The following TRPS1 variants were observed in gnomAD, a reference collection of about 807,000 sequenced individuals.
TRPS1 encodes transcriptional repressor GATA binding 1.
TRPS1 carries 6 observed loss-of-function variants against 101.2 expected under a neutral mutation model. That is an observed-to-expected ratio of 0.06 (90% CI 0.03 to 0.12). TRPS1 has a LOEUF of 0.12. Ranked by LOEUF, TRPS1 falls within the 10% of genes least tolerant of loss-of-function variation. The pLI, the probability that TRPS1 is intolerant of heterozygous loss-of-function variation, is 1.00. For synonymous variants in TRPS1, 578 were observed against 589.8 expected (o/e 0.98, Z 0.29); for missense variants, 1,363 against 1,567.0 (o/e 0.87, Z 2.20).
intron 1 of TRPS1, among the ~76,000 whole-genome samples, chr8:115,639,098 C>G (rs1225905295): frequency 1.3e-5 from 2 of 152,178 alleles, no homozygotes; most frequent in African/African-American, 4.8e-5. Context: ...GGGTCTTGCT[C>G]TGTTGTCCCA....
intron 5 of TRPS1, among the ~76,000 whole-genome samples, chr8:115,529,217 G>A (rs181808288): frequency 3.7e-4 from 56 of 152,050 alleles, no homozygotes; most frequent in Non-Finnish European, 6.0e-4. Context: ...TTTTGCAGGA[G>A]AGGTACAGAA....
chr8:115,527,103 A>G (rs1377014131), intron 5 of TRPS1, among the ~76,000 whole-genome samples: 1 of 152,098 alleles, frequency 6.6e-6, no homozygotes, highest in East Asian at 1.9e-4. Context: ...TAAAATTGTT[A>G]TTACTCATGG....
At chr8:115,560,097 CTGTT>C (rs72315836) in intron 5 of TRPS1, among the ~76,000 whole-genome samples, 9 of 152,028 alleles carry the variant, frequency 5.9e-5, no homozygotes, top group Admixed American at 1.3e-4. Context: ...TCTGATTAAT[CTGTT>C]TGTTTGTTTG....
intron 5 of TRPS1, among the ~76,000 whole-genome samples, chr8:115,455,613 T>C (rs886615723): frequency 1.3e-5 from 2 of 152,164 alleles, no homozygotes; most frequent in African/African-American, 4.8e-5. Flanking sequence ...AATACTGAAC[T>C]CATTTTCTAG....
chr8:115,534,417 C>T (rs549929555), intron 5 of TRPS1, among the ~76,000 whole-genome samples: 1 of 151,866 alleles, frequency 6.6e-6, no homozygotes, highest in Non-Finnish European at 1.5e-5. Flanking sequence ...GATTGAAGCT[C>T]TAACCGCAGT....
chr8:115,480,688 A>G (rs1372676757), intron 5 of TRPS1, among the ~76,000 whole-genome samples: 2 of 152,086 alleles, frequency 1.3e-5, no homozygotes, highest in Non-Finnish European at 2.9e-5. Context: ...CGGCATACAT[A>G]TATCTCTATT....
At chr8:115,620,915 T>C (rs1475816825) in intron 2 of TRPS1, among the ~76,000 whole-genome samples, 1 of 152,204 alleles carries the variant, frequency 6.6e-6, no homozygotes, top group Non-Finnish European at 1.5e-5. Flanking sequence ...CACTGGAAAC[T>C]GACTAAGAAA....
intron 1 of TRPS1, among the ~76,000 whole-genome samples, chr8:115,648,282 T>TG (rs5894284): frequency 1 from 152,192 of 152,196 alleles, 76,094 homozygotes; most frequent in Middle Eastern, 1. Context: ...CAGGCAGCGC[T>TG]GGAGAGGGAG....
At chr8:115,545,603 C>G (rs1341168530) in intron 5 of TRPS1, among the ~76,000 whole-genome samples, 1 of 152,074 alleles carries the variant, frequency 6.6e-6, no homozygotes, top group Non-Finnish European at 1.5e-5. Flanking sequence ...AAACTAAAAA[C>G]AAATAAATAG....
chr8:115,569,911 T>C (rs1389223698), intron 5 of TRPS1, among the ~76,000 whole-genome samples: 1 of 151,988 alleles, frequency 6.6e-6, no homozygotes, highest in African/African-American at 2.4e-5. Flanking sequence ...GTCAATTTTA[T>C]TAAAAAAAGA....
chr8:115,514,748 G>A (rs1044344370), intron 5 of TRPS1, among the ~76,000 whole-genome samples: 9 of 150,934 alleles, frequency 6.0e-5, no homozygotes, highest in East Asian at 2.0e-4. Flanking sequence ...TACTTCAATC[G>A]TTCAAATAAA....
At chr8:115,430,140 T>C (rs1445007016) in intron 5 of TRPS1, among the ~76,000 whole-genome samples, 1 of 152,168 alleles carries the variant, frequency 6.6e-6, no homozygotes, top group Non-Finnish European at 1.5e-5. Context: ...AAGAGGAACT[T>C]TGTGACAAGG....
chr8:115,581,068 T>TA (rs34740265), intron 5 of TRPS1, among the ~76,000 whole-genome samples: 3 of 151,606 alleles, frequency 2.0e-5, no homozygotes, highest in African/African-American at 4.8e-5. Flanking sequence ...TATTCAGTCA[T>TA]AAAAAAAGAA....
At chr8:115,451,894 T>C (rs1433985515) in intron 5 of TRPS1, among the ~76,000 whole-genome samples, 2 of 152,144 alleles carry the variant, frequency 1.3e-5, no homozygotes, top group African/African-American at 4.8e-5. Flanking sequence ...ATACAGGAAA[T>C]GAACACAAGT....
intron 1 of TRPS1, among the ~76,000 whole-genome samples, chr8:115,633,505 A>G (rs906937811): frequency 3.9e-5 from 6 of 152,130 alleles, no homozygotes; most frequent in Non-Finnish European, 8.8e-5. Flanking sequence ...ATATTTCTTG[A>G]GTACTTATTA....
At chr8:115,473,739 C>T (rs762832945) in intron 5 of TRPS1, among the ~76,000 whole-genome samples, 1 of 152,174 alleles carries the variant, frequency 6.6e-6, no homozygotes, top group Non-Finnish European at 1.5e-5. Flanking sequence ...TAAAACACTT[C>T]ACTTCTGAAA....
At chr8:115,625,429 A>G (rs1305531884) in intron 1 of TRPS1, among the ~76,000 whole-genome samples, 1 of 151,810 alleles carries the variant, frequency 6.6e-6, no homozygotes, top group Non-Finnish European at 1.5e-5. Flanking sequence ...TTACCTTTAA[A>G]AAGTTTGCCC....
chr8:115,450,263 G>T (rs537668623), intron 5 of TRPS1, among the ~76,000 whole-genome samples: 10 of 152,236 alleles, frequency 6.6e-5, no homozygotes, highest in African/African-American at 2.4e-4. Context: ...TCGTGATATG[G>T]AGCCAGAAAG....
intron 4 of TRPS1, among the ~76,000 whole-genome samples, chr8:115,598,753 A>T (rs545751466): frequency 6.6e-6 from 1 of 152,270 alleles, no homozygotes; most frequent in South Asian, 2.1e-4. Context: ...TACAAGGTTG[A>T]CTATTTGATG....
Sources: allele counts gnomAD v4.1 joint callset (sites outside exome capture counted in the v4.1 genomes callset), GRCh38; gene constraint gnomAD v4.1.1; transcripts MANE v1.5; gene names NCBI Gene and HGNC (gene_info 2026-07-23, HGNC 2026-07-21).